The following SLC7A2 variants were observed in gnomAD, a reference collection of about 807,000 sequenced individuals.
SLC7A2 encodes the protein cationic amino acid transporter 2.
A neutral mutation model predicts 58.9 loss-of-function variants in SLC7A2; 48 were observed. That is an observed-to-expected ratio of 0.82 (90% CI 0.65 to 1.04). The LOEUF is 1.04. SLC7A2 is among the 50% of genes least tolerant of loss of function. The pLI, the probability that SLC7A2 is intolerant of heterozygous loss-of-function variation, is 0.00. For missense variants in SLC7A2, 1,029 were observed against 818.8 expected (o/e 1.26, Z -3.13); for synonymous variants, 363 against 314.5 (o/e 1.15, Z -1.63).
intron 1 of SLC7A2, among the ~76,000 whole-genome samples, chr8:17,501,582 G>A (rs1262096915): frequency 1.3e-5 from 2 of 152,210 alleles, no homozygotes; most frequent in Non-Finnish European, 2.9e-5. Flanking sequence ...GTGATGTGTT[G>A]TGGAAAATCT....
At chr8:17,506,987 C>G (rs988559145) in intron 2 of SLC7A2, among the ~76,000 whole-genome samples, 1 of 150,786 alleles carries the variant, frequency 6.6e-6, no homozygotes, top group Admixed American at 6.6e-5. Context: ...ACTCTGTTGC[C>G]AGGCTGGAGT....
chr8:17,527,282 A>T (rs1161106424), intron 2 of SLC7A2, among the ~76,000 whole-genome samples: 1 of 152,180 alleles, frequency 6.6e-6, no homozygotes, highest in African/African-American at 2.4e-5. Context: ...GAAAAAAGAC[A>T]TGAGGGTTTT....
chr8:17,560,721 A>G (rs1371472900), intron 10 of SLC7A2, among the ~76,000 whole-genome samples, 188 bp downstream of exon 10: 1 of 152,202 alleles, frequency 6.6e-6, no homozygotes, highest in Non-Finnish European at 1.5e-5. Context: ...AATTTATTGT[A>G]TCTTGATAAT....
chr8:17,519,409 T>A lies in SLC7A2; in HGVS notation c.-23+17107T>A, dbSNP rs148955530. Among the ~76,000 whole-genome samples the A allele has an allele frequency of 2.0e-3, 312 of 152,306 alleles. 4 individuals are homozygous for A. The highest frequency in any genetic ancestry group is 7.0e-3 in the African/African-American group (291 of 41,578). Reference sequence around the variant, plus strand: ...ACTTATCAGAACTCTTCTGAAATTATAAATTGATGATTGAATTCTTTTTAA... The same window carrying A: ...ACTTATCAGAACTCTTCTGAAATTAAAAATTGATGATTGAATTCTTTTTAA... On this transcript the variant is annotated intron_variant, in intron 2 of 12. Coordinates refer to ENST00000494857, the MANE Select transcript of SLC7A2 (RefSeq NM_001370338.1).
At chr8:17,509,501 T>G (rs1442047794) in intron 2 of SLC7A2, among the ~76,000 whole-genome samples, 1 of 152,052 alleles carries the variant, frequency 6.6e-6, no homozygotes, top group Non-Finnish European at 1.5e-5. Context: ...AGACAGGGTT[T>G]CATCGTGATG....
chr8:17,496,851 C>A (rs748404510), upstream of SLC7A2, among the ~76,000 whole-genome samples: 1 of 152,002 alleles, frequency 6.6e-6, no homozygotes, highest in African/African-American at 2.4e-5. Flanking sequence ...TTCCCCGGCC[C>A]GCGCCCACCG....
At chr8:17,528,492 C>A (rs964121047) in intron 2 of SLC7A2, among the ~76,000 whole-genome samples, 3 of 152,026 alleles carry the variant, frequency 2.0e-5, no homozygotes, top group Non-Finnish European at 2.9e-5. Context: ...TCAAGGGATC[C>A]TCCCACTTGA....
intron 2 of SLC7A2, among the ~76,000 whole-genome samples, chr8:17,512,621 GT>G (rs11377142): frequency 0.61 from 92,004 of 151,822 alleles, 29,637 homozygotes; most frequent in Non-Finnish European, 0.72. Flanking sequence ...CTCATGGTGG[GT>G]TTTTTTCCCC....
At chr8:17,537,393 C>T (rs1048218488) in intron 2 of SLC7A2, among the ~76,000 whole-genome samples, 1 of 152,134 alleles carries the variant, frequency 6.6e-6, no homozygotes, top group East Asian at 1.9e-4. Flanking sequence ...GGTTTCTGCA[C>T]CTTGTCAAGC....
chr8:17,496,481 G>C (rs989744361), upstream of SLC7A2, among the ~76,000 whole-genome samples: 3 of 152,142 alleles, frequency 2.0e-5, no homozygotes, highest in South Asian at 2.1e-4. Context: ...CGCAGTAGGA[G>C]AAACCCTGAT....
intron 2 of SLC7A2, among the ~76,000 whole-genome samples, chr8:17,538,194 T>C (rs767058960): frequency 7.9e-5 from 12 of 152,224 alleles, no homozygotes; most frequent in Non-Finnish European, 1.3e-4. Context: ...TGGTATAAAA[T>C]GGGAGAAAAT....
chr8:17,506,516 G>A (rs1156799181), intron 2 of SLC7A2, among the ~76,000 whole-genome samples: 1 of 152,116 alleles, frequency 6.6e-6, no homozygotes, highest in Non-Finnish European at 1.5e-5. Flanking sequence ...CCTCGCCGTG[G>A]ACAGTTATCA....
chr8:17,532,465 G>A (rs1319008208), intron 2 of SLC7A2, among the ~76,000 whole-genome samples: 2 of 151,934 alleles, frequency 1.3e-5, no homozygotes, highest in Admixed American at 1.3e-4. Flanking sequence ...TTTTGTACCT[G>A]TATCCCCTTG....
At chr8:17,503,125 G>A (rs1005494291) in intron 2 of SLC7A2, among the ~76,000 whole-genome samples, 39 of 151,728 alleles carry the variant, frequency 2.6e-4, no homozygotes, top group Non-Finnish European at 4.6e-4. Context: ...ATCTCGGCTC[G>A]CTGCAAGCTC....
chr8:17,509,869 G>A (rs1041660724), intron 2 of SLC7A2, among the ~76,000 whole-genome samples: 1 of 152,040 alleles, frequency 6.6e-6, no homozygotes, highest in Non-Finnish European at 1.5e-5. Context: ...AAGCCTGTGT[G>A]TTTCATTTCA....
intron 2 of SLC7A2, among the ~76,000 whole-genome samples, chr8:17,527,440 T>C (rs1801264670): frequency 6.6e-6 from 1 of 152,168 alleles, no homozygotes; most frequent in Non-Finnish European, 1.5e-5. Flanking sequence ...AAACGTGTAA[T>C]CTAAAGGAAT....
intron 2 of SLC7A2, among the ~76,000 whole-genome samples, chr8:17,517,719 A>G (rs1173841754): frequency 4.6e-5 from 7 of 152,132 alleles, no homozygotes; most frequent in Non-Finnish European, 1.0e-4. Context: ...TTGAAAAGTT[A>G]AAATCTATTG....
chr8:17,528,083 G>A (rs1801290925), intron 2 of SLC7A2, among the ~76,000 whole-genome samples: 1 of 152,058 alleles, frequency 6.6e-6, no homozygotes, highest in Non-Finnish European at 1.5e-5. Context: ...AACGCCCTGG[G>A]GCACTCAGAT....
chr8:17,567,083 C>T lies in SLC7A2; in HGVS notation c.*1937C>T, dbSNP rs757549858. On this transcript the variant is annotated 3_prime_UTR_variant, in exon 13 of 13. Transcript: ENST00000494857. ...AGAACTCATTACGGACATTCCACAA[C>T]TTCCAGGGTGCACATGGTAAAATCT... 4 of 152,638 alleles carry T rather than the reference C, an allele frequency of 2.6e-5. No individual in the cohort carries two copies. The highest frequency in any genetic ancestry group is 4.4e-5 in the Non-Finnish European group (3 of 68,042). The allele number at this position is 152,638 out of a possible 1,614,324, so 9.5% of individuals were successfully genotyped here.
Sources: gnomAD v4.1 joint callset for allele counts (sites outside exome capture counted in the v4.1 genomes callset) on GRCh38, gnomAD v4.1.1 for gene constraint, MANE v1.5 for transcripts, NCBI Gene and HGNC (gene_info 2026-07-23, HGNC 2026-07-21) for gene names.